Variants in EPB41L1 observed in about 807,000 individuals in gnomAD.
EPB41L1 encodes erythrocyte membrane protein band 4.1 like 1.
A neutral mutation model predicts 97.8 loss-of-function variants in EPB41L1; 29 were observed. That is an observed-to-expected ratio of 0.30 (90% confidence interval 0.22 to 0.40). EPB41L1 has a LOEUF of 0.40. Among genes scored for constraint, EPB41L1 ranks in the 10% least tolerant of loss-of-function variants. The probability of loss-of-function intolerance (pLI) is 1.00; values close to 1 mark genes in which losing one functional copy is unlikely to be tolerated. For synonymous variants in EPB41L1, 383 were observed against 459.2 expected, an observed-to-expected ratio of 0.83 and a Z score of 2.12; for missense variants, 812 against 1,162.3, an observed-to-expected ratio of 0.70 and a Z score of 4.38.
intron 2 of EPB41L1, among the ~76,000 whole-genome samples, chr20:36,119,519 T>C (rs1398970196): frequency 6.6e-6 from 1 of 152,076 alleles, no homozygotes; most frequent in Non-Finnish European, 1.5e-5. Context: ...GGAGAATCGC[T>C]TGAACCTGGT....
chr20:36,188,982 G>T (rs1164024791), intron 9 of EPB41L1, among the ~76,000 whole-genome samples: 1 of 151,934 alleles, frequency 6.6e-6, no homozygotes, highest in Non-Finnish European at 1.5e-5. Flanking sequence ...ATGTATTTAG[G>T]TGTTGTAAGT....
chr20:36,206,739 C>T lies in EPB41L1; in HGVS notation c.1669-2749C>T. ...CCGCAGGACAGACGTTTGCTGAAGG[C>T]TGGGAAGATGCCCAGTGGGGAGTGG... On this transcript the variant is annotated intron_variant, in intron 14 of 21. Coordinates refer to ENST00000338074, the MANE Select transcript of EPB41L1 (RefSeq NM_012156.2). This position sits in a 1 kb window ranked among gnomAD's most constrained non-coding sequence, Gnocchi z 5.5. 1 of 1,289,850 alleles carries T rather than the reference C, an allele frequency of 7.8e-7. No individual in the cohort carries two copies. Among genetic ancestry groups the T allele is most frequent in the Non-Finnish European group, 1.0e-6 (1 of 988,876 alleles). 79.9% of individuals were successfully genotyped at this position (1,289,850 alleles called of 1,614,324 possible). A position where few individuals can be genotyped will look rare whatever the true frequency, so the allele number is the denominator to read the frequency against.
rs560669646 is a variant in EPB41L1, at chr20:36,195,923, T to C, written c.1485+559T>C. Among the ~76,000 whole-genome samples the C allele has an allele frequency of 6.6e-6, 1 of 152,294 alleles. No homozygotes were observed. Among genetic ancestry groups the C allele is most frequent in the South Asian group, 2.1e-4 (1 of 4,826 alleles). ...CCTGCATCTGCCCCAACTCCAGTCC[T>C]ACACCTCCCCCAGGCAGGGTCGACT... is the stretch of plus-strand genomic sequence containing the variant. On this transcript the variant is annotated intron_variant, in intron 13 of 21. Coordinates refer to ENST00000338074, the MANE Select transcript of EPB41L1 (RefSeq NM_012156.2). This position sits in a 1 kb window ranked among gnomAD's most constrained non-coding sequence, Gnocchi z 4.6.
chr20:36,191,958 A>G (rs201276032), intron 11 of EPB41L1, among the ~76,000 whole-genome samples: 1 of 152,030 alleles, frequency 6.6e-6, no homozygotes, highest in Non-Finnish European at 1.5e-5. Flanking sequence ...GGGCATGGTG[A>G]CTCATGCCTG....
At chr20:36,174,352 G>A (rs2061131623) in intron 2 of EPB41L1, among the ~76,000 whole-genome samples, 1 of 151,376 alleles carries the variant, frequency 6.6e-6, no homozygotes, top group African/African-American at 2.4e-5. Context: ...CGCTCACTGT[G>A]ACCTCTGCCG....
intron 2 of EPB41L1, among the ~76,000 whole-genome samples, chr20:36,120,681 TC>T (rs1460656970): frequency 6.6e-6 from 1 of 152,156 alleles, no homozygotes; most frequent in Non-Finnish European, 1.5e-5. Context: ...CAGCTGCTCC[TC>T]CACTGGGTCC....
At chr20:36,103,305 T>C (rs2058077885) in intron 1 of EPB41L1, among the ~76,000 whole-genome samples, 1 of 152,262 alleles carries the variant, frequency 6.6e-6, no homozygotes, top group South Asian at 2.1e-4. Flanking sequence ...TGAGGCTTAC[T>C]AAGTTTGCAG....
chr20:36,129,058 G>A (rs1463346287), intron 2 of EPB41L1, among the ~76,000 whole-genome samples: 2 of 152,070 alleles, frequency 1.3e-5, no homozygotes, highest in African/African-American at 4.8e-5. Flanking sequence ...CTCTGGGCAA[G>A]CTTGTGTAGC....
rs372670650 is a variant in EPB41L1, at chr20:36,177,904, G to A, written c.343-48G>A. 1.4e-4 allele frequency: 210 copies of A among 1,481,266 alleles called. 1 individual carries two copies. Among genetic ancestry groups the A allele is most frequent in the Middle Eastern group, 1.7e-4 (1 of 5,822 alleles). The allele number at this position is 1,481,266 out of a possible 1,614,324, so 91.8% of individuals were successfully genotyped here. On this transcript the variant is annotated intron_variant, in intron 3 of 21. Transcript: ENST00000338074. ...GGAGCCCAGGGTATCTCCCAGCCTC[G>A]CCCCGGGGTGTGCTTCAGCCTCATA...
rs1453796302 is a variant in EPB41L1 at position 36,212,548 on chromosome 20, G to A, written c.2184+172G>A. 6.6e-6 allele frequency among the ~76,000 whole-genome samples: 1 copy of A among 152,196 alleles called. No individual in the cohort carries two copies. ...CTCAGTGTCCTCTCTGAGCTCTGGG[G>A]AGGGGCAACGGGTAAAGCAGGTTCC... On this transcript the variant is annotated intron_variant, in intron 16 of 21. Transcript: ENST00000338074. The surrounding 1 kb of genome is among the most constrained non-coding windows in gnomAD (Gnocchi z 4.8).
chr20:36,195,276 C>T lies in EPB41L1; in HGVS notation c.1450-53C>T. 2 of 1,610,074 alleles carry T rather than the reference C, an allele frequency of 1.2e-6. No individual in the cohort carries two copies. The highest frequency in any genetic ancestry group is 1.3e-5 in the African/African-American group (1 of 74,922). On this transcript the variant is annotated intron_variant, in intron 12 of 21. Coordinates refer to ENST00000338074, the MANE Select transcript of EPB41L1 (RefSeq NM_012156.2). The surrounding 1 kb of genome is among the most constrained non-coding windows in gnomAD (Gnocchi z 4.6). The stretch of plus-strand genomic sequence containing the variant: ...CAAGCCCATCGTGGTATCTCTAATC[C>T]ATCTGCTCTACTGACCCTGCTGCTT...
chr20:36,225,364 C>T (rs2064062085), intron 21 of EPB41L1, among the ~76,000 whole-genome samples: 3 of 152,130 alleles, frequency 2.0e-5, no homozygotes, highest in Admixed American at 6.5e-5. Flanking sequence ...CTGGGGAAGC[C>T]TGTTTAAAAT....
chr20:36,195,287 C>G lies in EPB41L1; in HGVS notation c.1450-42C>G. 6.2e-7 allele frequency: 1 copy of G among 1,613,392 alleles called. No individual in the cohort carries two copies. Among genetic ancestry groups the G allele is most frequent in the Non-Finnish European group, 8.5e-7 (1 of 1,179,418 alleles). On this transcript the variant is annotated intron_variant, in intron 12 of 21. Coordinates refer to ENST00000338074, the MANE Select transcript of EPB41L1 (RefSeq NM_012156.2). The surrounding 1 kb of genome is among the most constrained non-coding windows in gnomAD (Gnocchi z 4.6). The stretch of plus-strand genomic sequence containing the variant: ...TGGTATCTCTAATCCATCTGCTCTA[C>G]TGACCCTGCTGCTTTCTTTCCCTCC...
rs538994694 is a variant in EPB41L1, at chr20:36,220,592, A to G, written c.2439+748A>G. ...CAGTGAACATAGGTTTAAGGAGAGA[A>G]TATCAGGTCCACCAGGATGTGTAGA... On this transcript the variant is annotated intron_variant, in intron 19 of 21. Transcript: ENST00000338074. Among the ~76,000 whole-genome samples, 137 of 152,282 alleles carry G rather than the reference A, an allele frequency of 9.0e-4. 1 individual carries two copies. Among genetic ancestry groups the G allele is most frequent in the African/African-American group, 3.2e-3 (131 of 41,542 alleles).
rs1241257514 is a variant in EPB41L1 at position 36,206,053 on chromosome 20, G to A, written c.1669-3435G>A. On this transcript the variant is annotated intron_variant, in intron 14 of 21. Transcript: ENST00000338074. This position sits in a 1 kb window ranked among gnomAD's most constrained non-coding sequence, Gnocchi z 5.5. Reference sequence around the variant, plus strand: ...AGAAGAAATGGTGGGAAACAGAAGAGCAAACACCCAGCAACAAGGAAAAAT... The same window carrying A: ...AGAAGAAATGGTGGGAAACAGAAGAACAAACACCCAGCAACAAGGAAAAAT... The A allele has an allele frequency of 7.0e-6, 9 of 1,289,760 alleles. 1 individual carries two copies. In the Admixed American group the frequency reaches 1.8e-4, roughly 26 times the overall value. The allele number at this position is 1,289,760 out of a possible 1,614,324, so 79.9% of individuals were successfully genotyped here.
chr20:36,211,809 G>A (rs145943911), intron 15 of EPB41L1, among the ~76,000 whole-genome samples: 13 of 151,804 alleles, frequency 8.6e-5, no homozygotes, highest in African/African-American at 2.7e-4. Context: ...AGCCGAGATC[G>A]CACCATCGCA....
At chr20:36,188,641 C>CACACGCACAG in intron 9 of EPB41L1, 142 bp downstream of exon 9, 1 of 270,434 alleles carries the variant, frequency 3.7e-6, no homozygotes, top group South Asian at 4.0e-5. Flanking sequence ...CACACACACA[C>CACACGCACAG]AGAGAGAGAG....
Position 36,206,973 on chromosome 20 carries a change from C to T in EPB41L1, c.1669-2515C>T, listed in dbSNP as rs1427946214. The T allele has an allele frequency of 2.2e-5, 28 of 1,290,006 alleles. No individual in the cohort carries two copies. The highest frequency in any genetic ancestry group is 2.8e-5 in the Non-Finnish European group (28 of 988,912). The allele number at this position is 1,290,006 out of a possible 1,614,324, so 79.9% of individuals were successfully genotyped here. ...ATGTCAGGAAGCCAGTCAAACCAGA[C>T]AGAGGCAACTTCCCACCCAAAGAGA... On this transcript the variant is annotated intron_variant, in intron 14 of 21. Transcript: ENST00000338074. The surrounding 1 kb of genome is among the most constrained non-coding windows in gnomAD (Gnocchi z 5.5).
chr20:36,148,571 T>G (rs550483452), intron 2 of EPB41L1, among the ~76,000 whole-genome samples: 1 of 152,264 alleles, frequency 6.6e-6, no homozygotes, highest in South Asian at 2.1e-4. Flanking sequence ...GGTATTTGAG[T>G]TGCTTCATCA....
Sources: gnomAD v4.1 joint callset for allele counts (sites outside exome capture counted in the v4.1 genomes callset) on GRCh38, gnomAD v4.1.1 for gene constraint, Gnocchi (gnomAD v3.1) non-coding constraint, MANE v1.5 for transcripts, NCBI Gene and HGNC (gene_info 2026-07-23, HGNC 2026-07-21) for gene names.